AGPAT3: variants seen among roughly 807,000 people sequenced by gnomAD.
AGPAT3 encodes the protein 1-acylglycerol-3-phosphate O-acyltransferase 3.
A neutral mutation model predicts 47.3 loss-of-function variants in AGPAT3; 5 were observed. The ratio of observed to expected loss-of-function variants is 0.11; its 90% CI spans 0.06 to 0.22. The LOEUF is 0.22. AGPAT3 is among the 10% of genes least tolerant of loss of function. The pLI, the probability that AGPAT3 is intolerant of heterozygous loss-of-function variation, is 1.00. For missense variants in AGPAT3, 315 were observed against 493.0 expected (o/e 0.64, Z 3.42); for synonymous variants, 212 against 208.3 (o/e 1.02, Z -0.15).
At chr21:43,906,801 C>T (rs113666889) in intron 2 of AGPAT3, among the ~76,000 whole-genome samples, 10 of 152,302 alleles carry the variant, frequency 6.6e-5, no homozygotes, top group African/African-American at 2.2e-4. Context: ...CCCAGGGGAG[C>T]AGCATGGAAT....
chr21:43,882,364 T>C (rs1489844087), intron 1 of AGPAT3, among the ~76,000 whole-genome samples: 1 of 152,268 alleles, frequency 6.6e-6, no homozygotes, highest in Non-Finnish European at 1.5e-5. Flanking sequence ...GACACGTATT[T>C]CCATCTGGAA....
rs998037136 is a variant in AGPAT3, at chr21:43,954,181, A to G, written c.-48-5453A>G. On this transcript the variant is annotated intron_variant, in intron 2 of 9. Coordinates refer to ENST00000291572, the MANE Select transcript of AGPAT3 (RefSeq NM_020132.5). This position sits in a 1 kb window ranked among gnomAD's most constrained non-coding sequence, Gnocchi z 4.0. The stretch of plus-strand genomic sequence containing the variant: ...CCAGCCCAAAGGACTTTGAAGCTGG[A>G]GGCGGGGACCGGTGTGGCCAAGCAG... Among the ~76,000 whole-genome samples the G allele has an allele frequency of 6.6e-6, 1 of 152,178 alleles. No homozygotes were observed. Among genetic ancestry groups the G allele is most frequent in the Non-Finnish European group, 1.5e-5 (1 of 68,022 alleles).
chr21:43,906,702 C>T (rs527348874), intron 2 of AGPAT3, among the ~76,000 whole-genome samples: 1 of 152,346 alleles, frequency 6.6e-6, no homozygotes, highest in East Asian at 1.9e-4. Context: ...GAGGCGTGAA[C>T]CCACAGCCAG....
intron 3 of AGPAT3, chr21:43,965,426 C>G (rs1191054315): frequency 6.6e-6 from 1 of 152,284 alleles, no homozygotes; most frequent in Non-Finnish European, 1.5e-5. Context: ...CCTGGCCCAG[C>G]CTCCTCACTC....
chr21:43,949,930 C>G (rs544219872), intron 2 of AGPAT3, among the ~76,000 whole-genome samples: 8 of 152,210 alleles, frequency 5.3e-5, no homozygotes, highest in African/African-American at 7.2e-5. Flanking sequence ...TAAGCACTTG[C>G]GCTGGGCTGC....
intron 2 of AGPAT3, among the ~76,000 whole-genome samples, chr21:43,937,460 C>T (rs2087486308): frequency 1.3e-5 from 2 of 152,218 alleles, no homozygotes; most frequent in South Asian, 4.1e-4. Context: ...GGTTGCTTTC[C>T]ACTGCAGGCC....
rs576785651 is a variant in AGPAT3, at chr21:43,943,754, C to T, written c.-48-15880C>T. Among the ~76,000 whole-genome samples, 181 of 152,274 alleles carry T rather than the reference C, an allele frequency of 1.2e-3. 1 individual carries two copies. The highest frequency in any genetic ancestry group is 4.2e-3 in the African/African-American group (173 of 41,564). ...GTTGGAGTCGGGGTGGGGCGGGCCGCGTGCTGTTGGTGTAGGGTGGGCGAT... is the reference window on the plus strand; with the variant it reads ...GTTGGAGTCGGGGTGGGGCGGGCCGTGTGCTGTTGGTGTAGGGTGGGCGAT... On this transcript the variant is annotated intron_variant, in intron 2 of 9. Transcript: ENST00000291572.
rs1466001559 is a variant in AGPAT3 at position 43,955,086 on chromosome 21, G to T, written c.-48-4548G>T. 3 of 1,250,570 alleles carry T rather than the reference G, an allele frequency of 2.4e-6. No individual in the cohort carries two copies. Among genetic ancestry groups the T allele is most frequent in the East Asian group, 6.3e-5 (1 of 15,908 alleles). The allele number at this position is 1,250,570 out of a possible 1,614,324, so 77.5% of individuals were successfully genotyped here. ...AAGGCTGGGTGCCAGCTGCCTGTCG[G>T]CAGGGAGCGTATCACCGTGGCACGT... On this transcript the variant is annotated intron_variant, in intron 2 of 9. Coordinates refer to ENST00000291572, the MANE Select transcript of AGPAT3 (RefSeq NM_020132.5). The surrounding 1 kb of genome is among the most constrained non-coding windows in gnomAD (Gnocchi z 4.1).
chr21:43,868,989 A>G (rs1489912537), intron 1 of AGPAT3, among the ~76,000 whole-genome samples: 3 of 152,212 alleles, frequency 2.0e-5, no homozygotes, highest in Non-Finnish European at 4.4e-5. Context: ...ATAAGATCCA[A>G]TAGATGAAAA....
intron 7 of AGPAT3, among the ~76,000 whole-genome samples, chr21:43,972,140 C>T (rs2089424232): frequency 7.2e-6 from 1 of 139,836 alleles, no homozygotes; most frequent in Admixed American, 7.4e-5. Flanking sequence ...AAGGAAGAGC[C>T]TGTTTGATTT....
At chr21:43,909,603 A>G (rs1394740301) in intron 2 of AGPAT3, among the ~76,000 whole-genome samples, 1 of 152,088 alleles carries the variant, frequency 6.6e-6, no homozygotes, top group Non-Finnish European at 1.5e-5. Context: ...GCCTTTTCAT[A>G]CACATTTGAA....
intron 1 of AGPAT3, among the ~76,000 whole-genome samples, chr21:43,894,764 A>G (rs975616416): frequency 6.6e-6 from 1 of 152,062 alleles, no homozygotes; most frequent in African/African-American, 2.4e-5. Flanking sequence ...TTTGTCCGTT[A>G]TTGTTCTTAG....
rs940264273 is a variant in AGPAT3, at chr21:43,920,738, G to T, written c.-49+16719G>T. Among the ~76,000 whole-genome samples, 1 of 152,092 alleles carries T rather than the reference G, an allele frequency of 6.6e-6. No homozygotes were observed. Among genetic ancestry groups the T allele is most frequent in the African/African-American group, 2.4e-5 (1 of 41,418 alleles). On this transcript the variant is annotated intron_variant, in intron 2 of 9. Transcript: ENST00000291572. The surrounding 1 kb of genome is among the most constrained non-coding windows in gnomAD (Gnocchi z 6.1). ...CACGGGGAGGTTCCCGGAGGGTGGAGCCCTGGGGAGGGTACAGCAGCTCCG... is the reference window on the plus strand; with the variant it reads ...CACGGGGAGGTTCCCGGAGGGTGGATCCCTGGGGAGGGTACAGCAGCTCCG...
chr21:43,899,052 GCT>G (rs1171248808), intron 1 of AGPAT3, among the ~76,000 whole-genome samples: 23 of 152,264 alleles, frequency 1.5e-4, no homozygotes, highest in African/African-American at 4.8e-4. Flanking sequence ...CACACTTGCC[GCT>G]CTCTTTCCTT....
chr21:43,898,965 C>T (rs574533789), intron 1 of AGPAT3, among the ~76,000 whole-genome samples: 173 of 152,276 alleles, frequency 1.1e-3, no homozygotes, highest in Middle Eastern at 0.01. Flanking sequence ...ATCCTTGTGC[C>T]TTGGCCTCCC....
rs777569532 is a variant in AGPAT3 at position 43,978,154 on chromosome 21, G to C, written c.843+33G>C. On this transcript the variant is annotated intron_variant, in intron 8 of 9. Transcript: ENST00000291572. ...GGCTCTGCTCCCGCTCAGGGTCCCG[G>C]TCTCCTGAAGAGGCTGTGGAAGGGG... 3 of 1,597,966 alleles carry C rather than the reference G, an allele frequency of 1.9e-6. No homozygotes were observed. The Admixed American group carries it at 5.0e-5, about 27-fold the overall frequency.
intron 2 of AGPAT3, among the ~76,000 whole-genome samples, chr21:43,953,139 A>G (rs9974326): frequency 0.43 from 65,818 of 152,066 alleles, 14,365 homozygotes; most frequent in Admixed American, 0.47. Flanking sequence ...GGCACGCCGC[A>G]GAGAGCTGCC....
chr21:43,902,867 G>C (rs151221011), intron 1 of AGPAT3, among the ~76,000 whole-genome samples: 4 of 152,174 alleles, frequency 2.6e-5, no homozygotes, highest in Non-Finnish European at 5.9e-5. Context: ...GGGCATGGTG[G>C]CATGCACCTG....
Position 43,968,171 on chromosome 21 carries a change from G to A in AGPAT3, c.348+56G>A, listed in dbSNP as rs113578651. ...GAGCAGGAGGGTCCCGGGGAGGGCC[G>A]GGGGTGAGCGGGGACCCAGGGAGGG... On this transcript the variant is annotated intron_variant, in intron 4 of 9. Coordinates refer to ENST00000291572, the MANE Select transcript of AGPAT3 (RefSeq NM_020132.5). 29 of 1,587,578 alleles carry A rather than the reference G, an allele frequency of 1.8e-5. No homozygotes were observed. In the East Asian group the frequency reaches 2.7e-4, roughly 15 times the overall value.
Sources: allele counts gnomAD v4.1 joint callset (sites outside exome capture counted in the v4.1 genomes callset), GRCh38; gene constraint gnomAD v4.1.1; non-coding constraint Gnocchi (gnomAD v3.1); transcripts MANE v1.5; gene names NCBI Gene and HGNC (gene_info 2026-07-23, HGNC 2026-07-21).